Variants in FRMD4A observed in about 807,000 individuals in gnomAD.
FRMD4A encodes the protein FERM domain-containing protein 4A.
A neutral mutation model predicts 129.1 loss-of-function variants in FRMD4A; 29 were observed. The observed-to-expected ratio is 0.22, with a 90% CI of 0.17 to 0.31. FRMD4A has a LOEUF of 0.31. Ranked by LOEUF, FRMD4A falls within the 10% of genes least tolerant of loss-of-function variation. The pLI is 1.00. For synonymous variants in FRMD4A, 634 were observed against 571.6 expected, an observed-to-expected ratio of 1.11 and a Z score of -1.56; for missense variants, 1,272 against 1,375.8, an observed-to-expected ratio of 0.92 and a Z score of 1.19.
chr10:14,042,158 G>A (rs1833803620), intron 2 of FRMD4A, among the ~76,000 whole-genome samples: 1 of 152,150 alleles, frequency 6.6e-6, no homozygotes, highest in Non-Finnish European at 1.5e-5. Flanking sequence ...TGTACTTTAT[G>A]TTCTTAGCTC....
At chr10:13,804,739 T>C (rs2130857380) in intron 4 of FRMD4A, among the ~76,000 whole-genome samples, 1 of 149,882 alleles carries the variant, frequency 6.7e-6, no homozygotes, top group South Asian at 2.1e-4. Flanking sequence ...TTTGTATTTT[T>C]AGTAGAGATG....
intron 2 of FRMD4A, among the ~76,000 whole-genome samples, chr10:13,994,133 C>G (rs946863444): frequency 6.7e-6 from 1 of 150,178 alleles, no homozygotes; most frequent in African/African-American, 2.5e-5. Context: ...CTCAGCCTCC[C>G]GAGTAGCTGG....
At chr10:13,863,527 T>A (rs532180234) in intron 2 of FRMD4A, among the ~76,000 whole-genome samples, 1 of 152,276 alleles carries the variant, frequency 6.6e-6, no homozygotes, top group East Asian at 1.9e-4. Flanking sequence ...GAGGTGGTGG[T>A]TGCAGTGAGC....
intron 2 of FRMD4A, among the ~76,000 whole-genome samples, chr10:14,266,223 C>T (rs1417772307): frequency 6.6e-6 from 1 of 152,008 alleles, no homozygotes; most frequent in Non-Finnish European, 1.5e-5. Context: ...CTCATCTCTA[C>T]CGACTAAAAG....
Position 13,821,935 on chromosome 10 carries a change from C to T in FRMD4A, c.112-11027G>A, listed in dbSNP as rs570688666. Among the ~76,000 whole-genome samples, 9 of 152,248 alleles carry T rather than the reference C, an allele frequency of 5.9e-5. No individual in the cohort carries two copies. The highest frequency in any genetic ancestry group is 9.6e-5 in the African/African-American group (4 of 41,554). ...CCGCCACACCTCCATCCTTTGCCCC[C>T]GCTAATGTTACACTTAGGGGACAGA... On this transcript the variant is annotated intron_variant, in intron 3 of 24. Coordinates refer to ENST00000357447, the MANE Select transcript of FRMD4A (RefSeq NM_018027.5). The surrounding 1 kb of genome is among the most constrained non-coding windows in gnomAD (Gnocchi z 4.3).
chr10:13,879,163 C>G (rs2094520829), intron 2 of FRMD4A, among the ~76,000 whole-genome samples: 1 of 152,014 alleles, frequency 6.6e-6, no homozygotes, highest in African/African-American at 2.4e-5. Context: ...CTTTGTGAGG[C>G]CAAGGCTGGA....
chr10:14,267,050 G>A (rs1172199382), intron 2 of FRMD4A, among the ~76,000 whole-genome samples: 1 of 152,182 alleles, frequency 6.6e-6, no homozygotes, highest in Admixed American at 6.5e-5. Context: ...CTCCGCCTGG[G>A]GCAGGCAGAT....
intron 2 of FRMD4A, among the ~76,000 whole-genome samples, chr10:14,137,806 C>G (rs1392083185): frequency 6.6e-6 from 1 of 152,136 alleles, no homozygotes; most frequent in Admixed American, 6.5e-5. Flanking sequence ...AATTTTAATT[C>G]TAGCTAAAAG....
intron 2 of FRMD4A, among the ~76,000 whole-genome samples, chr10:14,284,524 A>C (rs1248403037): frequency 1.3e-5 from 2 of 152,096 alleles, no homozygotes; most frequent in Non-Finnish European, 2.9e-5. Flanking sequence ...GTGGTGGCAC[A>C]CACCTGTAGT....
chr10:14,117,981 C>T (rs376390097), intron 2 of FRMD4A, among the ~76,000 whole-genome samples: 2 of 152,152 alleles, frequency 1.3e-5, no homozygotes, highest in East Asian at 3.8e-4. Context: ...AAGCCTAGGA[C>T]CATTGTCTTT....
intron 2 of FRMD4A, among the ~76,000 whole-genome samples, chr10:14,130,714 A>C (rs1199142548): frequency 1.3e-5 from 2 of 152,258 alleles, no homozygotes; most frequent in Non-Finnish European, 2.9e-5. Flanking sequence ...AAAACTGTAC[A>C]TAAGCCGTAC....
At chr10:13,898,284 T>G (rs1167810374) in intron 2 of FRMD4A, among the ~76,000 whole-genome samples, 1 of 152,094 alleles carries the variant, frequency 6.6e-6, no homozygotes, top group Non-Finnish European at 1.5e-5. Context: ...GAGAATTACT[T>G]GAACCCAGGA....
intron 14 of FRMD4A, among the ~76,000 whole-genome samples, 165 bp downstream of exon 14, chr10:13,701,175 C>G (rs993742792): frequency 1.3e-5 from 2 of 152,096 alleles, no homozygotes; most frequent in Admixed American, 6.6e-5. Context: ...TCTTGAAGAG[C>G]TAGTCTCATC....
chr10:13,875,003 AC>A (rs926598027), intron 2 of FRMD4A, among the ~76,000 whole-genome samples: 1 of 152,134 alleles, frequency 6.6e-6, no homozygotes, highest in Admixed American at 6.6e-5. Flanking sequence ...ACCCTAACTC[AC>A]ACCTGGTGGA....
intron 2 of FRMD4A, among the ~76,000 whole-genome samples, chr10:14,267,474 CCTAAGCTCAGGT>C: frequency 6.6e-6 from 1 of 152,286 alleles, no homozygotes; most frequent in Middle Eastern, 3.4e-3. Context: ...GATGCCACAG[CCTAAGCTCAGGT>C]CTGTCCAATT....
chr10:13,688,184 CACATAT>C (rs1286564727), intron 15 of FRMD4A, among the ~76,000 whole-genome samples: 1 of 152,122 alleles, frequency 6.6e-6, no homozygotes, highest in Non-Finnish European at 1.5e-5. Flanking sequence ...GAAAATGCGG[CACATAT>C]ACACCATGGA....
intron 2 of FRMD4A, among the ~76,000 whole-genome samples, chr10:14,025,485 T>A (rs1339548642): frequency 6.6e-6 from 1 of 152,218 alleles, no homozygotes; most frequent in African/African-American, 2.4e-5. Context: ...CTTCCTGGGA[T>A]GGACAAGGGA....
chr10:14,062,115 T>C lies in FRMD4A; in HGVS notation c.46-203203A>G, dbSNP rs144531801. 4.6e-5 allele frequency among the ~76,000 whole-genome samples: 7 copies of C among 152,342 alleles called. No individual in the cohort carries two copies. In the East Asian group the frequency reaches 9.6e-4, roughly 21 times the overall value. On this transcript the variant is annotated intron_variant, in intron 2 of 24. Transcript: ENST00000357447. ...AGAGGTATATATAACATGCTATTTA[T>C]AGTACTGAAAAACTACAAAGCCATG...
At chr10:13,808,811 C>G (rs2093399507) in intron 4 of FRMD4A, among the ~76,000 whole-genome samples, 1 of 152,236 alleles carries the variant, frequency 6.6e-6, no homozygotes, top group Admixed American at 6.5e-5. Flanking sequence ...GAGAGACCCT[C>G]CCACCTAGAC....
Sources: allele counts gnomAD v4.1 joint callset (sites outside exome capture counted in the v4.1 genomes callset), GRCh38; gene constraint gnomAD v4.1.1; non-coding constraint Gnocchi (gnomAD v3.1); transcripts MANE v1.5; gene names NCBI Gene and HGNC (gene_info 2026-07-23, HGNC 2026-07-21).